The following EXOG variants were observed in gnomAD, a reference collection of about 807,000 sequenced individuals.
EXOG encodes the protein nuclease EXOG, mitochondrial.
Under a neutral mutation model 25.8 loss-of-function variants are expected in EXOG, and 27 were observed. The observed-to-expected ratio is 1.05, with a 90% CI of 0.77 to 1.45. The LOEUF is 1.45. Ranked by LOEUF, EXOG falls within the 40% of genes most tolerant of loss-of-function variation. EXOG has a pLI of 0.00. For synonymous variants in EXOG, 133 were observed against 167.0 expected (o/e 0.80, Z 1.57); for missense variants, 458 against 450.5 (o/e 1.02, Z -0.15).
chr3:38,499,020 G>C (rs2059973047), intron 2 of EXOG: 1 of 456,056 alleles, frequency 2.2e-6, no homozygotes, highest in Admixed American at 2.4e-5. Context: ...CCAATTTAAT[G>C]CTCATTTTAC....
rs771833339 is a variant in EXOG, at chr3:38,523,899, A to G, written c.646-2A>G. The G allele has an allele frequency of 6.6e-7, 1 of 1,523,008 alleles. No homozygotes were observed. The highest frequency in any genetic ancestry group is 1.3e-5 in the South Asian group (1 of 76,732). 94.3% of individuals were successfully genotyped at this position (1,523,008 alleles called of 1,614,324 possible). On this transcript the variant is annotated splice_acceptor_variant, in intron 5 of 5. Transcript: ENST00000287675. LOFTEE classifies it high-confidence loss of function. Reference sequence around the variant, plus strand: ...TCACTAATATGGCTGCTTTGTTTTTAGGTGATTGGCGAGGACAACGTGGCA... The same window carrying G: ...TCACTAATATGGCTGCTTTGTTTTTGGGTGATTGGCGAGGACAACGTGGCA...
In EXOG at chr3:38,497,727, A is replaced by G; in HGVS notation, c.262A>G (p.Lys88Glu). Residue 88 changes from lysine to glutamate, a missense_variant, in exon 2 of 6, where the codon AAG becomes GAG. Lys to Glu is a moderately conservative substitution (Grantham distance 56). Transcript: ENST00000287675. ...TCACGCTTTGTCTTATGATCAGGCAAAGCGGGTGCCTAGATGGGTTCTTGA... is the reference window on the plus strand; with the variant it reads ...TCACGCTTTGTCTTATGATCAGGCAGAGCGGGTGCCTAGATGGGTTCTTGA... Reference protein sequence around the residue: ...TNHALSYDQAKRVPRWVLEHI... With the variant: ...TNHALSYDQAERVPRWVLEHI... The G allele has an allele frequency of 1.2e-6, 2 of 1,608,986 alleles. No individual in the cohort carries two copies. The highest frequency in any genetic ancestry group is 1.7e-6 in the Non-Finnish European group (2 of 1,178,874).
chr3:38,518,226 G>A (rs1011340195), intron 5 of EXOG, among the ~76,000 whole-genome samples: 29 of 152,146 alleles, frequency 1.9e-4, no homozygotes, highest in Admixed American at 3.9e-4. Flanking sequence ...AAGTTAGAGC[G>A]TTCATGTAGG....
chr3:38,523,890 T>C lies in EXOG; in HGVS notation c.646-11T>C, dbSNP rs759442455. 1 of 1,514,716 alleles carries C rather than the reference T, an allele frequency of 6.6e-7. No homozygotes were observed. The allele number at this position is 1,514,716 out of a possible 1,614,324, so 93.8% of individuals were successfully genotyped here. On this transcript the variant is annotated splice_polypyrimidine_tract_variant and intron_variant, in intron 5 of 5. Transcript: ENST00000287675. ...AAATTGGCATCACTAATATGGCTGC[T>C]TTGTTTTTAGGTGATTGGCGAGGAC...
At chr3:38,505,547 A>G (rs1348802599) in intron 4 of EXOG, 1 of 152,224 alleles carries the variant, frequency 6.6e-6, no homozygotes, top group Non-Finnish European at 1.5e-5. Flanking sequence ...GGTTGTGAAC[A>G]ATTAGTTGTA....
At chr3:38,503,754 T>G (rs1223822234) in intron 4 of EXOG, 63 bp downstream of exon 4, 27 of 964,980 alleles carry the variant, frequency 2.8e-5, no homozygotes, top group Non-Finnish European at 4.3e-5. Context: ...CAGGAGAATG[T>G]ACTGATGTGC....
intron 5 of EXOG, 45 bp from the exon 6 acceptor site, chr3:38,523,856 T>C (rs746303890): frequency 1.0e-5 from 15 of 1,448,656 alleles, no homozygotes; most frequent in Non-Finnish European, 1.0e-5. Context: ...ATTTGCGAAC[T>C]GTTAGCACAA....
chr3:38,508,716 C>G (rs1333958404), intron 5 of EXOG, among the ~76,000 whole-genome samples: 6 of 149,176 alleles, frequency 4.0e-5, no homozygotes, highest in Admixed American at 4.0e-4. Context: ...GAACCACCCC[C>G]CCCCCAAAAA....
chr3:38,518,949 C>T (rs903517420), intron 5 of EXOG, among the ~76,000 whole-genome samples: 1 of 152,110 alleles, frequency 6.6e-6, no homozygotes, highest in Non-Finnish European at 1.5e-5. Context: ...CTCTTTGAAG[C>T]GCTCAAGTTT....
chr3:38,518,686 A>T (rs1288592768), intron 5 of EXOG, among the ~76,000 whole-genome samples: 1 of 152,172 alleles, frequency 6.6e-6, no homozygotes, highest in Non-Finnish European at 1.5e-5. Flanking sequence ...ATGTGTTTTT[A>T]CTTTGGGGGA....
chr3:38,517,502 ACCAAGATCTGGACAG>A (rs1176875687), intron 5 of EXOG, among the ~76,000 whole-genome samples: 4 of 152,224 alleles, frequency 2.6e-5, no homozygotes, highest in Non-Finnish European at 5.9e-5. Context: ...ATGTTTAGAA[ACCAAGATCTGGACAG>A]CAATTCAGAT....
Position 38,524,242 on chromosome 3 carries a change from GGA to G in EXOG, c.988_989del (p.Glu330LysfsTer8). On this transcript the variant is annotated frameshift_variant, in exon 6 of 6. Transcript: ENST00000287675. LOFTEE classifies it low-confidence loss of function (END_TRUNC). ...RSVLRLEKIM[E>X]NLKNAEIEPD... Reference sequence around the variant, plus strand: ...CAGTGCTCAGACTGGAAAAGATCATGGAAAACTTGAAGAATGCAGAGATTGAA... The same window carrying G: ...CAGTGCTCAGACTGGAAAAGATCATGAAACTTGAAGAATGCAGAGATTGAA... 1 of 1,614,154 alleles carries G rather than the reference GGA, an allele frequency of 6.2e-7. No homozygotes were observed. The highest frequency in any genetic ancestry group is 1.1e-5 in the South Asian group (1 of 91,080).
At chr3:38,504,678 C>T (rs185159566) in intron 4 of EXOG, among the ~76,000 whole-genome samples, 1 of 152,240 alleles carries the variant, frequency 6.6e-6, no homozygotes, top group East Asian at 1.9e-4. Flanking sequence ...TCGTGATTTG[C>T]CCACCTTGGC....
In EXOG at chr3:38,523,882, A is replaced by G. The variant is rs748109494; in HGVS notation, c.646-19A>G. 2.0e-6 allele frequency: 3 copies of G among 1,511,824 alleles called. No homozygotes were observed. The highest frequency in any genetic ancestry group is 2.3e-5 in the East Asian group (1 of 43,806). 93.7% of individuals were successfully genotyped at this position (1,511,824 alleles called of 1,614,324 possible). On this transcript the variant is annotated intron_variant, in intron 5 of 5. Coordinates refer to ENST00000287675, the MANE Select transcript of EXOG (RefSeq NM_005107.4). ...GTTAGCACAAATTGGCATCACTAAT[A>G]TGGCTGCTTTGTTTTTAGGTGATTG...
rs753976102 is a variant in EXOG at position 38,497,782 on chromosome 3, G to T, written c.313+4G>T. 6.3e-7 allele frequency: 1 copy of T among 1,588,744 alleles called. No individual in the cohort carries two copies. The highest frequency in any genetic ancestry group is 8.5e-7 in the Non-Finnish European group (1 of 1,173,406). The stretch of plus-strand genomic sequence containing the variant: ...ATTTCCAAAAGCAAGATAATGGGTA[G>T]GTGGTTGGATAAAAAAACTGAAGTA... On this transcript the variant is annotated splice_donor_region_variant and intron_variant, in intron 2 of 5. Transcript: ENST00000287675.
At chr3:38,500,679 T>C (rs1377454804) in intron 2 of EXOG, among the ~76,000 whole-genome samples, 2 of 152,208 alleles carry the variant, frequency 1.3e-5, no homozygotes, top group African/African-American at 4.8e-5. Context: ...CTCACGATAG[T>C]GCAATAGGTA....
chr3:38,523,461 T>G (rs2060784887), intron 5 of EXOG: 1 of 282,772 alleles, frequency 3.5e-6, no homozygotes, highest in Admixed American at 6.5e-5. Context: ...CCTCCTGGGT[T>G]CAAGCAATTC....
chr3:38,501,373 A>G lies in EXOG; in HGVS notation c.332A>G (p.His111Arg). The G allele has an allele frequency of 6.2e-7, 1 of 1,613,646 alleles. No homozygotes were observed. Among genetic ancestry groups the G allele is most frequent in the Non-Finnish European group, 8.5e-7 (1 of 1,179,546 alleles). ...TCTTCAGGTGATGCAGACAGAAAGC[A>G]TTGTAAATTTAAGCCTGATCCCAAT... Reference protein sequence around the residue: ...SKIMGDADRKHCKFKPDPNIP... With the variant: ...SKIMGDADRKRCKFKPDPNIP... The change falls in exon 3 of 6, where the codon CAT becomes CGT. Residue 111 changes from histidine to arginine, a missense_variant. This residue lies in a region of EXOG where 275 missense variants were observed against 230.5 expected (regional missense o/e 1.19). Transcript: ENST00000287675.
At chr3:38,501,051 G>A in intron 2 of EXOG, 1 of 227,136 alleles carries the variant, frequency 4.4e-6, no homozygotes, top group East Asian at 9.2e-5. Context: ...ATAGTTTAGT[G>A]TTTTGATTGG....
Sources: allele counts gnomAD v4.1 joint callset (sites outside exome capture counted in the v4.1 genomes callset), GRCh38; gene constraint gnomAD v4.1.1; regional missense constraint gnomAD v4.1.1; transcripts MANE v1.5; gene names NCBI Gene and HGNC (gene_info 2026-07-23, HGNC 2026-07-21).